CSMD1: variants seen among roughly 807,000 people sequenced by gnomAD.
CSMD1 encodes the protein CUB and sushi domain-containing protein 1.
A neutral mutation model predicts 417.5 loss-of-function variants in CSMD1; 213 were observed. The observed-to-expected ratio is 0.51, with a 90% CI of 0.46 to 0.57. The LOEUF (loss-of-function observed/expected upper bound fraction) is 0.57, where lower values mean the gene tolerates loss of function less well. CSMD1 is among the 20% of genes least tolerant of loss of function. The pLI, the probability that CSMD1 is intolerant of heterozygous loss-of-function variation, is 0.00. For missense variants in CSMD1, 6,923 were observed against 4,529.7 expected, an observed-to-expected ratio of 1.53 and a Z score of -15.17; for synonymous variants, 2,862 against 1,736.8, an observed-to-expected ratio of 1.65 and a Z score of -16.11.
At chr8:4,145,896 T>G (rs946320985) in intron 3 of CSMD1, among the ~76,000 whole-genome samples, 2 of 151,084 alleles carry the variant, frequency 1.3e-5, no homozygotes, top group Non-Finnish European at 2.9e-5. Context: ...TCTTGCTCAA[T>G]GCTCATCCCT....
intron 18 of CSMD1, 34 bp from the exon 19 acceptor site, chr8:3,369,404 A>G (rs766693830): frequency 4.1e-6 from 4 of 979,020 alleles, no homozygotes; most frequent in African/African-American, 3.2e-5. Flanking sequence ...TTACAGCACT[A>G]AAGTTTCACA....
At chr8:4,758,217 T>C (rs1172496543) in intron 1 of CSMD1, among the ~76,000 whole-genome samples, 2 of 152,164 alleles carry the variant, frequency 1.3e-5, no homozygotes, top group Admixed American at 6.5e-5. Flanking sequence ...ATGCTGTTCC[T>C]GTCTTTATCT....
At chr8:4,282,001 A>G (rs2128860349) in intron 3 of CSMD1, among the ~76,000 whole-genome samples, 1 of 152,356 alleles carries the variant, frequency 6.6e-6, no homozygotes, top group South Asian at 2.1e-4. Context: ...AGCAAGGTGA[A>G]TTCATGTTCT....
chr8:4,458,957 G>A (rs553750528), intron 2 of CSMD1, among the ~76,000 whole-genome samples: 3 of 152,160 alleles, frequency 2.0e-5, no homozygotes, highest in South Asian at 2.1e-4. Context: ...AACCAACGAG[G>A]AAACATCTAA....
chr8:4,949,740 A>G (rs1808611013), intron 1 of CSMD1, among the ~76,000 whole-genome samples: 1 of 152,206 alleles, frequency 6.6e-6, no homozygotes, highest in Non-Finnish European at 1.5e-5. Flanking sequence ...AAAATGTATT[A>G]ATTTTATCTT....
intron 3 of CSMD1, among the ~76,000 whole-genome samples, chr8:4,087,400 G>A (rs921275303): frequency 2.0e-5 from 3 of 152,190 alleles, no homozygotes; most frequent in Admixed American, 2.0e-4. Flanking sequence ...AGCTGTTCTT[G>A]CATTTTGAGC....
intron 4 of CSMD1, among the ~76,000 whole-genome samples, chr8:4,013,707 C>A (rs181364453): frequency 2.0e-5 from 3 of 152,190 alleles, no homozygotes; most frequent in Non-Finnish European, 4.4e-5. Context: ...ATTGTAGCCC[C>A]AGCAGCTACA....
Position 4,816,902 on chromosome 8 carries a change from G to C in CSMD1, c.85+177430C>G, listed in dbSNP as rs560536600. On this transcript the variant is annotated intron_variant, in intron 1 of 69. Coordinates refer to ENST00000635120, the MANE Select transcript of CSMD1 (RefSeq NM_033225.6). ...ACAGTCACATGCCCTCTGAGGTTTG[G>C]AGCATAACAATCACTCCCATCTACT... Among the ~76,000 whole-genome samples, 4 of 152,198 alleles carry C rather than the reference G, an allele frequency of 2.6e-5. No individual in the cohort carries two copies. The South Asian group carries it at 8.3e-4, about 32-fold the overall frequency.
At chr8:3,918,570 A>G (rs1808995646) in intron 5 of CSMD1, among the ~76,000 whole-genome samples, 1 of 152,130 alleles carries the variant, frequency 6.6e-6, no homozygotes, top group African/African-American at 2.4e-5. Context: ...CATTTCTTAT[A>G]TATTTTGGAC....
At chr8:4,913,527 C>T (rs1805843660) in intron 1 of CSMD1, among the ~76,000 whole-genome samples, 1 of 152,162 alleles carries the variant, frequency 6.6e-6, no homozygotes, top group Non-Finnish European at 1.5e-5. Flanking sequence ...AACAGAAGCC[C>T]TGCCCTCAAA....
chr8:3,711,795 G>C lies in CSMD1; in HGVS notation c.932-3304C>G, dbSNP rs528601839. On this transcript the variant is annotated intron_variant, in intron 6 of 69. Transcript: ENST00000635120. ...ATAACTTTATCTTGAAGTTACTCAG[G>C]AGAGAGGAGATGAATGCACAATAAA... Among the ~76,000 whole-genome samples the C allele has an allele frequency of 3.7e-4, 57 of 152,240 alleles. 1 individual carries two copies. Among genetic ancestry groups the C allele is most frequent in the Admixed American group, 3.6e-3 (55 of 15,292 alleles).
intron 3 of CSMD1, among the ~76,000 whole-genome samples, chr8:4,381,904 G>A (rs767840654): frequency 1.3e-5 from 2 of 152,034 alleles, no homozygotes; most frequent in Non-Finnish European, 2.9e-5. Flanking sequence ...CAGTGATCAA[G>A]ACACTTGCCC....
At chr8:4,206,805 C>T (rs1211572085) in intron 3 of CSMD1, among the ~76,000 whole-genome samples, 1 of 152,064 alleles carries the variant, frequency 6.6e-6, no homozygotes, top group East Asian at 1.9e-4. Flanking sequence ...AAAGATTGTT[C>T]TAATATTTAT....
At chr8:3,795,146 TCATGTACAGCTATAGATAC>T (rs1269209867) in intron 5 of CSMD1, among the ~76,000 whole-genome samples, 11 of 61,060 alleles carry the variant, frequency 1.8e-4, no homozygotes, top group African/African-American at 5.8e-4. Context: ...TAGATATCTA[TCATGTACAGCTATAGATAC>T]CTATCATGTA....
chr8:4,691,870 C>G (rs554570583), intron 1 of CSMD1, among the ~76,000 whole-genome samples: 6 of 152,232 alleles, frequency 3.9e-5, no homozygotes, highest in Non-Finnish European at 8.8e-5. Flanking sequence ...CTCAAACACA[C>G]TCCTGTGATT....
intron 5 of CSMD1, among the ~76,000 whole-genome samples, chr8:3,788,730 A>T (rs190906279): frequency 1.4e-3 from 211 of 152,330 alleles, no homozygotes; most frequent in Non-Finnish European, 2.6e-3. Flanking sequence ...GAGATTAGAA[A>T]GCACTTTCAC....
chr8:4,627,629 C>T (rs767192935), intron 2 of CSMD1, among the ~76,000 whole-genome samples: 4 of 152,084 alleles, frequency 2.6e-5, no homozygotes, highest in Non-Finnish European at 5.9e-5. Flanking sequence ...CTTCCTGACA[C>T]GATGCCCAAC....
At chr8:4,692,146 C>G (rs575485647) in intron 1 of CSMD1, among the ~76,000 whole-genome samples, 1 of 152,202 alleles carries the variant, frequency 6.6e-6, no homozygotes, top group South Asian at 2.1e-4. Flanking sequence ...TGCTGAAAAC[C>G]TGCCCCCTGT....
chr8:4,608,143 G>A (rs1800980985), intron 2 of CSMD1, among the ~76,000 whole-genome samples: 1 of 152,180 alleles, frequency 6.6e-6, no homozygotes, highest in East Asian at 1.9e-4. Context: ...GAAGAGGGAG[G>A]CATTAGAGGG....
Sources: allele counts gnomAD v4.1 joint callset (sites outside exome capture counted in the v4.1 genomes callset), GRCh38; gene constraint gnomAD v4.1.1; transcripts MANE v1.5; gene names NCBI Gene and HGNC (gene_info 2026-07-23, HGNC 2026-07-21).